The following MSH3 variants were observed in gnomAD, a reference collection of about 807,000 sequenced individuals.
The protein encoded by MSH3 is mutS homolog 3, also known as DNA mismatch repair protein Msh3.
In MSH3, 106 loss-of-function variants were observed where a neutral mutation model predicts 123.3. The observed-to-expected ratio is 0.86, with a 90% confidence interval of 0.73 to 1.01. MSH3 has a LOEUF of 1.01. Among genes scored for constraint, MSH3 ranks in the 50% least tolerant of loss-of-function variants. The pLI, the probability that MSH3 is intolerant of heterozygous loss-of-function variation, is 0.00. For synonymous variants in MSH3, 515 were observed against 481.4 expected (o/e 1.07, Z -0.91); for missense variants, 1,459 against 1,347.6 (o/e 1.08, Z -1.29).
At chr5:80,765,698 C>T (rs901206610) in intron 13 of MSH3, among the ~76,000 whole-genome samples, 13 of 152,110 alleles carry the variant, frequency 8.5e-5, no homozygotes, top group Admixed American at 2.0e-4. Context: ...ACTGGTTGTC[C>T]CCATATCTGT....
At chr5:80,658,005 C>T (rs925405264) in intron 2 of MSH3, among the ~76,000 whole-genome samples, 29 of 140,870 alleles carry the variant, frequency 2.1e-4, no homozygotes, top group Non-Finnish European at 3.5e-4. Context: ...TTTTGTAGCT[C>T]ATTTATTTTT....
At position 80,792,778 on chromosome 5, in the gene MSH3, G is replaced by C. The variant is rs780827591; in HGVS notation, c.2589G>C (p.Arg863Ser). ...GAAAAATTGTAATAAAAAATGGAAG[G>C]CACCCTGTGATTGATGTGTTGCTGG... ...EERKIVIKNG[R>S]HPVIDVLLGE... Residue 863 changes from arginine to serine, a missense_variant, in exon 19 of 24, where the codon AGG becomes AGC. Physicochemically the swap from Arg to Ser is moderately radical, Grantham distance 110 (BLOSUM62 -1). Coordinates refer to ENST00000265081, the MANE Select transcript of MSH3 (RefSeq NM_002439.5). 6.2e-7 allele frequency: 1 copy of C among 1,613,316 alleles called. No homozygotes were observed. The highest frequency in any genetic ancestry group is 1.7e-5 in the Admixed American group (1 of 59,984).
intron 13 of MSH3, among the ~76,000 whole-genome samples, chr5:80,763,446 G>A (rs577898791): frequency 1.4e-4 from 22 of 152,332 alleles, no homozygotes; most frequent in Admixed American, 5.9e-4. Context: ...AATAGCAGAA[G>A]CTGTGCTGAT....
rs186845238 is a variant in MSH3, at chr5:80,862,994, A to G, written c.3001-1819A>G. The stretch of plus-strand genomic sequence containing the variant: ...GATTGTTGGAGAAAAGGATATTCAT[A>G]TATCTCAAAGTGTCATGCCACAGGT... On this transcript the variant is annotated intron_variant, in intron 21 of 23. Transcript: ENST00000265081. Among the ~76,000 whole-genome samples the G allele has an allele frequency of 7.9e-4, 121 of 152,334 alleles. 1 individual carries two copies. Among genetic ancestry groups the G allele is most frequent in the African/African-American group, 2.7e-3 (114 of 41,578 alleles).
intron 8 of MSH3, among the ~76,000 whole-genome samples, chr5:80,709,253 C>A (rs1750792431): frequency 7.0e-6 from 1 of 143,768 alleles, no homozygotes; most frequent in African/African-American, 2.6e-5. Flanking sequence ...GTACCCTGAG[C>A]TAATGGAATT....
chr5:80,737,220 A>C (rs1020461396), intron 10 of MSH3, among the ~76,000 whole-genome samples: 2 of 152,246 alleles, frequency 1.3e-5, no homozygotes, highest in Non-Finnish European at 2.9e-5. Flanking sequence ...AAAGCTGTAC[A>C]CACAGAAATG....
chr5:80,748,804 A>AG (rs1479925713), intron 12 of MSH3, among the ~76,000 whole-genome samples: 2 of 151,798 alleles, frequency 1.3e-5, no homozygotes, highest in Non-Finnish European at 2.9e-5. Flanking sequence ...TTGGTAGAGG[A>AG]GAAAAAAAGA....
At chr5:80,704,343 A>G (rs888827024) in intron 8 of MSH3, among the ~76,000 whole-genome samples, 3 of 152,140 alleles carry the variant, frequency 2.0e-5, no homozygotes. Flanking sequence ...ACTGGAATTC[A>G]GTCTTCACCT....
intron 20 of MSH3, among the ~76,000 whole-genome samples, chr5:80,853,168 A>C (rs932081682): frequency 6.6e-6 from 1 of 152,138 alleles, no homozygotes; most frequent in African/African-American, 2.4e-5. Context: ...TGTGTACTAG[A>C]TCCTTCTCTA....
At chr5:80,815,139 G>A (rs1745078035) in intron 20 of MSH3, among the ~76,000 whole-genome samples, 1 of 152,106 alleles carries the variant, frequency 6.6e-6, no homozygotes, top group Non-Finnish European at 1.5e-5. Flanking sequence ...ATGCTTTAAA[G>A]CTTCATTTTT....
At position 80,658,037 on chromosome 5, in the gene MSH3, C is replaced by CTTTTTTTTTTTTTTT. The variant is rs397942439; in HGVS notation, c.358+1519_358+1520insTTTTTTTTTTTTTTT. Reference sequence around the variant, plus strand: ...TTTTCCTAAGAATGCTTTTTGCCCTCTTTTTTTTTTTTTGAGATAGGGTCT... The same window carrying CTTTTTTTTTTTTTTT: ...TTTTCCTAAGAATGCTTTTTGCCCTCTTTTTTTTTTTTTTTTTTTTTTTTTTTTGAGATAGGGTCT... On this transcript the variant is annotated intron_variant, in intron 2 of 23. Coordinates refer to ENST00000265081, the MANE Select transcript of MSH3 (RefSeq NM_002439.5). Among the ~76,000 whole-genome samples, 31 of 116,634 alleles carry CTTTTTTTTTTTTTTT rather than the reference C, an allele frequency of 2.7e-4. 4 individuals are homozygous for CTTTTTTTTTTTTTTT. Among genetic ancestry groups the CTTTTTTTTTTTTTTT allele is most frequent in the African/African-American group, 7.6e-4 (22 of 29,050 alleles). The allele number at this position is 116,634 out of a possible 152,430, so 76.5% of individuals were successfully genotyped here.
intron 22 of MSH3, among the ~76,000 whole-genome samples, chr5:80,872,161 T>G (rs1003219128): frequency 6.6e-6 from 1 of 152,144 alleles, no homozygotes; most frequent in Non-Finnish European, 1.5e-5. Flanking sequence ...TAATATTTTC[T>G]TTTCTGTTTT....
chr5:80,769,299 G>T (rs1744176750), intron 15 of MSH3, among the ~76,000 whole-genome samples: 1 of 151,948 alleles, frequency 6.6e-6, no homozygotes, highest in South Asian at 2.1e-4. Flanking sequence ...GAATTCATTT[G>T]TTCTAAATCC....
At chr5:80,837,614 C>A (rs953237458) in intron 20 of MSH3, among the ~76,000 whole-genome samples, 1 of 152,102 alleles carries the variant, frequency 6.6e-6, no homozygotes, top group Non-Finnish European at 1.5e-5. Context: ...CTGGATATTG[C>A]ATCTTAAAGG....
At chr5:80,723,716 A>G (rs1751135783) in intron 8 of MSH3, among the ~76,000 whole-genome samples, 1 of 152,182 alleles carries the variant, frequency 6.6e-6, no homozygotes, top group Admixed American at 6.6e-5. Context: ...ACATGAAAAC[A>G]TGCATGGTAA....
intron 8 of MSH3, among the ~76,000 whole-genome samples, chr5:80,686,901 G>C (rs1750105627): frequency 6.6e-6 from 1 of 152,152 alleles, no homozygotes. Flanking sequence ...GAATGGCTTG[G>C]AATTGTGGAG....
intron 8 of MSH3, among the ~76,000 whole-genome samples, chr5:80,690,872 GGTAA>G (rs1323215029): frequency 2.0e-5 from 3 of 151,890 alleles, no homozygotes; most frequent in Non-Finnish European, 4.4e-5. Flanking sequence ...GTGTAGTAAG[GGTAA>G]GTATTTCATG....
At chr5:80,780,337 G>A (rs145499444) in intron 17 of MSH3, among the ~76,000 whole-genome samples, 1 of 152,292 alleles carries the variant, frequency 6.6e-6, no homozygotes, top group Non-Finnish European at 1.5e-5. Context: ...ACTGGTCTGA[G>A]TACTTTATAT....
intron 2 of MSH3, among the ~76,000 whole-genome samples, chr5:80,659,763 G>A (rs1223960662): frequency 6.6e-6 from 1 of 151,972 alleles, no homozygotes; most frequent in Non-Finnish European, 1.5e-5. Flanking sequence ...CTATAACTCT[G>A]TACCCATTAA....
Sources: allele counts gnomAD v4.1 joint callset (sites outside exome capture counted in the v4.1 genomes callset), GRCh38; gene constraint gnomAD v4.1.1; transcripts MANE v1.5; gene names NCBI Gene and HGNC (gene_info 2026-07-23, HGNC 2026-07-21).